The following SV2C variants were observed in gnomAD, a reference collection of about 807,000 sequenced individuals.
SV2C encodes the protein solute carrier family 22 member B3.
A neutral mutation model predicts 79.7 loss-of-function variants in SV2C; 49 were observed. The ratio of observed to expected loss-of-function variants is 0.61; its 90% CI spans 0.49 to 0.78. The LOEUF (loss-of-function observed/expected upper bound fraction) is 0.78, where lower values mean the gene tolerates loss of function less well. Among genes scored for constraint, SV2C ranks in the 30% least tolerant of loss-of-function variants. SV2C has a pLI of 0.00. For synonymous variants in SV2C, 334 were observed against 333.2 expected (o/e 1.00, Z -0.03); for missense variants, 833 against 912.9 (o/e 0.91, Z 1.13).
At chr5:76,310,039 C>CTT (rs1166641934) in intron 12 of SV2C, among the ~76,000 whole-genome samples, 1 of 149,256 alleles carries the variant, frequency 6.7e-6, no homozygotes, top group African/African-American at 2.5e-5. Flanking sequence ...AGGTCATTCA[C>CTT]TATTTCATTC....
intron 4 of SV2C, among the ~76,000 whole-genome samples, chr5:76,282,323 G>A (rs1052191682): frequency 6.6e-6 from 1 of 152,252 alleles, no homozygotes; most frequent in African/African-American, 2.4e-5. Context: ...GACTATGGAG[G>A]ATTCACCCCC....
At chr5:76,293,510 C>T (rs1453516714) in intron 8 of SV2C, among the ~76,000 whole-genome samples, 2 of 152,188 alleles carry the variant, frequency 1.3e-5, no homozygotes, top group Non-Finnish European at 2.9e-5. Flanking sequence ...AAGCCCTCCA[C>T]ATCATTGATG....
intron 12 of SV2C, chr5:76,311,304 G>A (rs1046983307): frequency 6.6e-6 from 1 of 152,344 alleles, no homozygotes; most frequent in African/African-American, 2.4e-5. Flanking sequence ...TGATTGAGAT[G>A]CAGTGGTCGA....
intron 6 of SV2C, among the ~76,000 whole-genome samples, chr5:76,289,849 C>G (rs976374373): frequency 6.6e-6 from 1 of 152,238 alleles, no homozygotes; most frequent in Non-Finnish European, 1.5e-5. Context: ...GCCTCTCTCT[C>G]ACTTCCAGGT....
chr5:75,973,132 C>T, the SV2C span, among the ~76,000 whole-genome samples: 2 of 151,340 alleles, frequency 1.3e-5, no homozygotes, highest in Admixed American at 6.6e-5. Flanking sequence ...ACAATGAGAA[C>T]ACATGGACAC....
At chr5:75,931,162 C>A in the SV2C span, among the ~76,000 whole-genome samples, 1 of 152,226 alleles carries the variant, frequency 6.6e-6, no homozygotes, top group Admixed American at 6.5e-5. Flanking sequence ...AATGAGCAAA[C>A]CTTCCTTGTC....
chr5:76,011,112 A>G, the SV2C span, among the ~76,000 whole-genome samples: 1 of 152,180 alleles, frequency 6.6e-6, no homozygotes, highest in Non-Finnish European at 1.5e-5. Flanking sequence ...TTTAAAAAGG[A>G]AAAAAGAAGA....
At chr5:76,142,917 C>T (rs77496108) in intron 2 of SV2C, among the ~76,000 whole-genome samples, 7,389 of 62,182 alleles carry the variant, frequency 0.12, 522 homozygotes, top group East Asian at 0.32. Flanking sequence ...TTTTTTGAGA[C>T]GGAGTCTTGC....
the SV2C span, among the ~76,000 whole-genome samples, chr5:75,952,743 G>C: frequency 2.3e-4 from 35 of 151,876 alleles, no homozygotes; most frequent in East Asian, 6.0e-3. Flanking sequence ...GCAGTGCCTT[G>C]TTTCCTGTAC....
At chr5:76,073,522 T>TA in the SV2C span, among the ~76,000 whole-genome samples, 1 of 124,700 alleles carries the variant, frequency 8.0e-6, no homozygotes, top group Non-Finnish European at 1.7e-5. Flanking sequence ...TATATATATA[T>TA]ATATATATAT....
chr5:75,990,484 C>A, the SV2C span, among the ~76,000 whole-genome samples: 1 of 151,926 alleles, frequency 6.6e-6, no homozygotes, highest in Non-Finnish European at 1.5e-5. Context: ...ATCTTTCTTT[C>A]ATTACAGAGT....
chr5:76,249,080 T>G (rs928437488), intron 4 of SV2C, among the ~76,000 whole-genome samples: 1 of 152,156 alleles, frequency 6.6e-6, no homozygotes, highest in African/African-American at 2.4e-5. Flanking sequence ...ATTTATATCC[T>G]TAATAAACCT....
the SV2C span, among the ~76,000 whole-genome samples, chr5:75,881,350 A>G: frequency 0.025 from 3,766 of 152,320 alleles, 160 homozygotes; most frequent in African/African-American, 0.086. Flanking sequence ...GTTAACATAT[A>G]TAAAGACAGT....
rs1276095200 is a variant in SV2C, at chr5:76,328,017, T to C, written c.*2470T>C. The C allele has an allele frequency of 3.3e-5, 5 of 152,246 alleles. No homozygotes were observed. Among genetic ancestry groups the C allele is most frequent in the African/African-American group, 1.2e-4 (5 of 41,444 alleles). The allele number at this position is 152,246 out of a possible 1,614,324, so 9.4% of individuals were successfully genotyped here. On this transcript the variant is annotated 3_prime_UTR_variant, in exon 13 of 13. Transcript: ENST00000502798. ...GGACAGTCTGTGGTCACAAACCTTC[T>C]TGGTCACCACCTCTCCCACCTTTTG...
chr5:76,125,751 T>C (rs777964241), intron 1 of SV2C, among the ~76,000 whole-genome samples: 15 of 152,178 alleles, frequency 9.9e-5, no homozygotes, highest in Non-Finnish European at 2.1e-4. Context: ...CTTATGGTGC[T>C]TGAGTCCTCA....
chr5:76,210,993 C>A (rs1744751443), intron 4 of SV2C, among the ~76,000 whole-genome samples: 1 of 152,198 alleles, frequency 6.6e-6, no homozygotes, highest in African/African-American at 2.4e-5. Context: ...CTCTGCCTCT[C>A]CTACCCTAAG....
chr5:76,181,165 T>C (rs1480056153), intron 2 of SV2C, among the ~76,000 whole-genome samples: 1 of 152,112 alleles, frequency 6.6e-6, no homozygotes, highest in Non-Finnish European at 1.5e-5. Flanking sequence ...CAGGAGTCCA[T>C]AAATGACAAC....
chr5:75,978,481 G>C, the SV2C span, among the ~76,000 whole-genome samples: 1 of 152,090 alleles, frequency 6.6e-6, no homozygotes, highest in Non-Finnish European at 1.5e-5. Flanking sequence ...AAGACACACT[G>C]TTTTTCACAC....
intron 1 of SV2C, among the ~76,000 whole-genome samples, chr5:76,102,482 A>G (rs1214571046): frequency 6.6e-6 from 1 of 152,162 alleles, no homozygotes; most frequent in Non-Finnish European, 1.5e-5. Context: ...TATGTTGTGA[A>G]TGCTCATTCT....
Sources: gnomAD v4.1 joint callset for allele counts (sites outside exome capture counted in the v4.1 genomes callset) on GRCh38, gnomAD v4.1.1 for gene constraint, MANE v1.5 for transcripts, NCBI Gene and HGNC (gene_info 2026-07-23, HGNC 2026-07-21) for gene names.